VEPH1: variants seen among roughly 807,000 people sequenced by gnomAD.
VEPH1 encodes the protein ventricular zone expressed PH domain containing 1.
In VEPH1, 80 loss-of-function variants were observed where a neutral mutation model predicts 85.2. That is an observed-to-expected ratio of 0.94 (90% confidence interval 0.78 to 1.13). The LOEUF (loss-of-function observed/expected upper bound fraction) is 1.13. Ranked by LOEUF, VEPH1 falls within the 50% of genes most tolerant of loss-of-function variation. The pLI, the probability that VEPH1 is intolerant of heterozygous loss-of-function variation, is 0.00. For missense variants in VEPH1, 955 were observed against 980.5 expected, an observed-to-expected ratio of 0.97 and a Z score of 0.35; for synonymous variants, 297 against 348.0, an observed-to-expected ratio of 0.85 and a Z score of 1.63.
intron 9 of VEPH1, among the ~76,000 whole-genome samples, chr3:157,360,093 T>A (rs1382273605): frequency 6.6e-6 from 1 of 152,224 alleles, no homozygotes; most frequent in Non-Finnish European, 1.5e-5. Flanking sequence ...AAATCTTTTT[T>A]AAATAAGATT....
intron 4 of VEPH1, among the ~76,000 whole-genome samples, chr3:157,433,170 CA>C (rs1476149168): frequency 6.6e-6 from 1 of 152,132 alleles, no homozygotes; most frequent in Non-Finnish European, 1.5e-5. Flanking sequence ...TAAATAATAA[CA>C]ACTTCATTTC....
intron 12 of VEPH1, among the ~76,000 whole-genome samples, chr3:157,278,333 A>C (rs150330341): frequency 2.0e-5 from 3 of 152,358 alleles, no homozygotes; most frequent in Non-Finnish European, 2.9e-5. Flanking sequence ...GAAAAAGTAC[A>C]TATAAAAGCA....
At chr3:157,293,538 G>A (rs1410040839) in intron 11 of VEPH1, among the ~76,000 whole-genome samples, 1 of 152,130 alleles carries the variant, frequency 6.6e-6, no homozygotes, top group East Asian at 1.9e-4. Flanking sequence ...ATTCATTTCA[G>A]AGAGAAGCTC....
At position 157,322,490 on chromosome 3, in the gene VEPH1, TTGGATC is replaced by T. The variant is rs1444414371; in HGVS notation, c.1736-5295_1736-5290del. On this transcript the variant is annotated intron_variant, in intron 9 of 13. Coordinates refer to ENST00000362010, the MANE Select transcript of VEPH1 (RefSeq NM_001167912.2). The stretch of plus-strand genomic sequence containing the variant: ...TGGTATATACAAAGAAGTGGCATTG[TTGGATC>T]ATATGGTAATTCTATGTTTAGATTT... Among the ~76,000 whole-genome samples, 268 of 152,308 alleles carry T rather than the reference TTGGATC, an allele frequency of 1.8e-3. 2 individuals carry two copies. Among genetic ancestry groups the T allele is most frequent in the Middle Eastern group, 0.017 (5 of 294 alleles).
At chr3:157,265,211 TAA>T (rs1264842921) in intron 13 of VEPH1, among the ~76,000 whole-genome samples, 1 of 152,184 alleles carries the variant, frequency 6.6e-6, no homozygotes, top group East Asian at 1.9e-4. Flanking sequence ...GCCAATATCA[TAA>T]GTCATAAATT....
intron 12 of VEPH1, among the ~76,000 whole-genome samples, chr3:157,271,845 G>A (rs1305757847): frequency 4.6e-5 from 7 of 151,902 alleles, no homozygotes; most frequent in African/African-American, 1.7e-4. Context: ...AACTTCAAAA[G>A]TTCATGAAAA....
chr3:157,290,091 C>A (rs1717304637), intron 11 of VEPH1, among the ~76,000 whole-genome samples: 1 of 151,372 alleles, frequency 6.6e-6, no homozygotes, highest in Non-Finnish European at 1.5e-5. Flanking sequence ...ACCTGTCTTG[C>A]TAGCAGATGC....
chr3:157,444,153 C>G (rs1042520885), intron 4 of VEPH1, among the ~76,000 whole-genome samples: 3 of 152,120 alleles, frequency 2.0e-5, no homozygotes, highest in African/African-American at 7.2e-5. Flanking sequence ...TATGTGAGGG[C>G]TGATAGAAGG....
intron 4 of VEPH1, among the ~76,000 whole-genome samples, chr3:157,456,373 T>C (rs1735383127): frequency 1.3e-5 from 2 of 152,206 alleles, no homozygotes; most frequent in South Asian, 4.1e-4. Context: ...AGATCATATT[T>C]GTCAATTTTT....
intron 7 of VEPH1, among the ~76,000 whole-genome samples, chr3:157,374,541 A>T (rs898875675): frequency 9.9e-5 from 15 of 152,246 alleles, no homozygotes; most frequent in African/African-American, 3.4e-4. Context: ...CCTTCCATAG[A>T]GCATGGGCTG....
chr3:157,335,311 T>C (rs1398740212), intron 9 of VEPH1, among the ~76,000 whole-genome samples: 1 of 151,456 alleles, frequency 6.6e-6, no homozygotes, highest in Non-Finnish European at 1.5e-5. Flanking sequence ...GGTGGGAGGA[T>C]GGCTTGAGCC....
chr3:157,481,441 C>CACACACACAT (rs1738043684), intron 2 of VEPH1, among the ~76,000 whole-genome samples: 1 of 61,616 alleles, frequency 1.6e-5, no homozygotes, highest in Non-Finnish European at 2.9e-5. Context: ...CAAACACACA[C>CACACACACAT]ACACACACAC....
intron 7 of VEPH1, 119 bp from the exon 8 acceptor site, chr3:157,364,631 A>G: frequency 2.1e-6 from 2 of 950,796 alleles, no homozygotes; most frequent in South Asian, 1.7e-5. Context: ...AATTTTTTTC[A>G]TTGGTCATTT....
At chr3:157,269,490 T>G (rs1210379144) in intron 12 of VEPH1, among the ~76,000 whole-genome samples, 1 of 152,176 alleles carries the variant, frequency 6.6e-6, no homozygotes, top group Non-Finnish European at 1.5e-5. Flanking sequence ...CAAATTTAGG[T>G]GTTAGAGTCA....
At chr3:157,473,262 C>T (rs1737145818) in intron 2 of VEPH1, among the ~76,000 whole-genome samples, 2 of 151,594 alleles carry the variant, frequency 1.3e-5, no homozygotes, top group Admixed American at 1.3e-4. Context: ...TTAGTAGAGA[C>T]AGGGTTTCAC....
At chr3:157,445,513 C>T (rs1268082138) in intron 4 of VEPH1, among the ~76,000 whole-genome samples, 2 of 152,136 alleles carry the variant, frequency 1.3e-5, no homozygotes, top group Admixed American at 6.6e-5. Flanking sequence ...CCCAGCTACT[C>T]GGGAGGCTGA....
chr3:157,387,263 A>G (rs1483470214), intron 6 of VEPH1, among the ~76,000 whole-genome samples: 1 of 152,350 alleles, frequency 6.6e-6, no homozygotes, highest in Non-Finnish European at 1.5e-5. Flanking sequence ...TCAGAAAAAC[A>G]GAACACAACT....
chr3:157,342,472 G>A (rs1351758492), intron 9 of VEPH1, among the ~76,000 whole-genome samples: 1 of 152,214 alleles, frequency 6.6e-6, no homozygotes, highest in Non-Finnish European at 1.5e-5. Context: ...AACAAGAAGA[G>A]CTAACTATCC....
chr3:157,295,687 G>A (rs999108790), intron 11 of VEPH1, among the ~76,000 whole-genome samples: 1 of 152,308 alleles, frequency 6.6e-6, no homozygotes, highest in Admixed American at 6.5e-5. Context: ...AGGCACAGTG[G>A]CTCATGCCTG....
Sources: allele counts gnomAD v4.1 joint callset (sites outside exome capture counted in the v4.1 genomes callset), GRCh38; gene constraint gnomAD v4.1.1; transcripts MANE v1.5; gene names NCBI Gene and HGNC (gene_info 2026-07-23, HGNC 2026-07-21).